AARS2: variants seen among roughly 807,000 people sequenced by gnomAD.
AARS2 encodes alanine--tRNA ligase, mitochondrial.
AARS2 carries 78 observed loss-of-function variants against 119.7 expected under a neutral mutation model. The observed-to-expected ratio is 0.65, with a 90% CI of 0.54 to 0.79. The LOEUF (loss-of-function observed/expected upper bound fraction) is 0.79, where lower values mean the gene tolerates loss of function less well. Ranked by LOEUF, AARS2 falls within the 30% of genes least tolerant of loss-of-function variation. AARS2 has a pLI of 0.00. For synonymous variants in AARS2, 502 were observed against 526.3 expected, an observed-to-expected ratio of 0.95 and a Z score of 0.63; for missense variants, 1,157 against 1,291.3, an observed-to-expected ratio of 0.90 and a Z score of 1.59.
chr6:44,302,477 T>A lies in AARS2; in HGVS notation c.2401A>T (p.Lys801Ter). The stretch of plus-strand genomic sequence containing the variant: ...AGACTCAGCCGCTCAGTGGCCGCTT[T>A]CACTTCCTGGGCCAGGCTCTGGCCT... ...ELGQSLAQEVKAATERLSLGS... is the reference protein window; with the variant it reads ...ELGQSLAQEV Residue 801 changes from lysine to a stop codon, truncating the protein, a stop_gained, in exon 18 of 22, where the codon AAA becomes TAA. Coordinates refer to ENST00000244571, the MANE Select transcript of AARS2 (RefSeq NM_020745.4). LOFTEE classifies it high-confidence loss of function. 6.2e-7 allele frequency: 1 copy of A among 1,614,098 alleles called. No homozygotes were observed. The highest frequency in any genetic ancestry group is 8.5e-7 in the Non-Finnish European group (1 of 1,180,018).
Position 44,299,265 on chromosome 6 carries a change from T to C in AARS2, c.*1282A>G, listed in dbSNP as rs2153353006. ...ACCATCTGACACTTTCTCCCTTCTT[T>C]TTTTTAAGACAGGGTCTCACTCTGT... On this transcript the variant is annotated 3_prime_UTR_variant, in exon 22 of 22. Transcript: ENST00000244571. Among the ~76,000 whole-genome samples the C allele has an allele frequency of 6.6e-6, 1 of 152,122 alleles. No individual in the cohort carries two copies. The highest frequency in any genetic ancestry group is 6.5e-5 in the Admixed American group (1 of 15,274).
chr6:44,312,628 G>T (rs555976034), intron 1 of AARS2, among the ~76,000 whole-genome samples: 1 of 152,316 alleles, frequency 6.6e-6, no homozygotes, highest in East Asian at 1.9e-4. Context: ...GACTCATTTA[G>T]TAGGGAGCCC....
intron 5 of AARS2, 53 bp downstream of exon 5, chr6:44,310,246 T>C (rs779463506): frequency 7.1e-6 from 11 of 1,548,174 alleles, no homozygotes; most frequent in Non-Finnish European, 8.8e-6. Flanking sequence ...GCAATGGGGC[T>C]GAGGGCTGTG....
chr6:44,311,079 T>C lies in AARS2; in HGVS notation c.664A>G (p.Thr222Ala). 6.2e-7 allele frequency: 1 copy of C among 1,614,066 alleles called. No individual in the cohort carries two copies. ...CCAGCAAGGTCGTAGTGGATCTCAG[T>C]ACAGGGCCCACAAGGGCCAGTATCC... Reference protein sequence around the residue: ...MGDTGPCGPCTEIHYDLAGGV... With the variant: ...MGDTGPCGPCAEIHYDLAGGV... The change falls in exon 4 of 22, where the codon ACT becomes GCT. Residue 222 changes from threonine (T) to alanine (A), a missense_variant. Thr to Ala is a moderately conservative substitution (Grantham distance 58, BLOSUM62 0). Transcript: ENST00000244571.
intron 2 of AARS2, 71 bp from the exon 3 acceptor site, chr6:44,311,606 C>T: frequency 1.9e-6 from 3 of 1,570,058 alleles, no homozygotes; most frequent in Non-Finnish European, 2.6e-6. Flanking sequence ...AGTAATCAAG[C>T]CACATGAGTT....
Position 44,307,303 on chromosome 6 carries a change from C to T in AARS2, c.986G>A (p.Arg329His), listed in dbSNP as rs1179887323. 3.7e-6 allele frequency: 6 copies of T among 1,613,830 alleles called. No individual in the cohort carries two copies. The highest frequency in any genetic ancestry group is 1.1e-5 in the South Asian group (1 of 91,040). ...ATCAGAGATGCAGACACTGAGTGTG[C>T]GGATGTGGTCAGCCACCACGCGGTA... ...TAYRVVADHI[R>H]TLSVCISDGI... is the part of the protein sequence containing the mutation. Residue 329 changes from arginine (R) to histidine (H), a missense_variant, in exon 6 of 22, where the codon CGC (arginine) becomes CAC (histidine). By Grantham distance (29) the Arg-to-His change is conservative (BLOSUM62 0). Transcript: ENST00000244571. The surrounding 1 kb of genome is among the most constrained non-coding windows in gnomAD (Gnocchi z 4.4).
Position 44,304,788 on chromosome 6 carries a change from G to C in AARS2, c.1609C>G (p.Gln537Glu). The change falls in exon 12 of 22, where the codon CAA (glutamine) becomes GAA (glutamate). Residue 537 changes from glutamine to glutamate, a missense_variant. Gln to Glu is a conservative substitution (Grantham distance 29, BLOSUM62 2). Coordinates refer to ENST00000244571, the MANE Select transcript of AARS2 (RefSeq NM_020745.4). ...EFGTCEAQVL[Q>E]LYTEDGTAVA... ...GCTGTCCCGTCCTCTGTATACAGTT[G>C]CAACACCTGGGCCTCACAGGTGCCG... 6.2e-7 allele frequency: 1 copy of C among 1,614,188 alleles called. No individual in the cohort carries two copies.
At position 44,299,075 on chromosome 6, in the gene AARS2, G is replaced by A. The variant is rs527555633; in HGVS notation, c.*1472C>T. On this transcript the variant is annotated 3_prime_UTR_variant, in exon 22 of 22. Transcript: ENST00000244571. ...TGCTCAGTGGCACTGGCCACCTCAC[G>A]GCCTCTGCATTGGCTGTTCCCTCAG... Among the ~76,000 whole-genome samples, 15 of 152,122 alleles carry A rather than the reference G, an allele frequency of 9.9e-5. No individual in the cohort carries two copies. The highest frequency in any genetic ancestry group is 3.4e-4 in the African/African-American group (14 of 41,484).
chr6:44,302,233 C>G, intron 18 of AARS2, 63 bp from the exon 19 acceptor site: 1 of 1,609,312 alleles, frequency 6.2e-7, no homozygotes, highest in South Asian at 1.1e-5. Context: ...GAGGTAGGGA[C>G]CAGCAGGGCC....
chr6:44,304,365 G>T, intron 13 of AARS2, 44 bp from the exon 14 acceptor site: 1 of 1,614,200 alleles, frequency 6.2e-7, no homozygotes, highest in Non-Finnish European at 8.5e-7. Context: ...AGGGCAGGGG[G>T]TTGGGAGAGT....
chr6:44,300,898 C>A, intron 21 of AARS2, 187 bp from the exon 22 acceptor site: 2 of 777,000 alleles, frequency 2.6e-6, no homozygotes, highest in South Asian at 1.6e-5. Context: ...GGTGTATGAA[C>A]GTGAACATCT....
At chr6:44,312,293 A>G (rs1230469101) in intron 1 of AARS2, 30 bp from the exon 2 acceptor site, 12 of 1,604,684 alleles carry the variant, frequency 7.5e-6, no homozygotes, top group Non-Finnish European at 1.0e-5. Context: ...GGAGGGGGAG[A>G]GGGATATCCA....
Position 44,310,296 on chromosome 6 carries a change from C to A in AARS2, c.894+3G>T. 1 of 1,592,024 alleles carries A rather than the reference C, an allele frequency of 6.3e-7. No individual in the cohort carries two copies. On this transcript the variant is annotated splice_donor_region_variant and intron_variant, in intron 5 of 21. Coordinates refer to ENST00000244571, the MANE Select transcript of AARS2 (RefSeq NM_020745.4). Reference sequence around the variant, plus strand: ...GGGCTTCTGGAAGGGAAGAGGCACTCACCTGCTGTATGGCGTTGAGCAGCG... The same window carrying A: ...GGGCTTCTGGAAGGGAAGAGGCACTAACCTGCTGTATGGCGTTGAGCAGCG...
At position 44,304,591 on chromosome 6, in the gene AARS2, C is replaced by G. The variant is rs111774044; in HGVS notation, c.1752+54G>C. The G allele has an allele frequency of 2.5e-5, 41 of 1,614,052 alleles. No homozygotes were observed. The African/African-American group carries it at 4.8e-4, about 19-fold the overall frequency. ...CCTTTCCCTCCCCTTGGCTCCCACT[C>G]AGGCTTGGGTCTGCCGCCCACAGAA... On this transcript the variant is annotated intron_variant, in intron 12 of 21. Transcript: ENST00000244571.
At chr6:44,312,285 A>C in intron 1 of AARS2, 22 bp from the exon 2 acceptor site, 1 of 1,609,514 alleles carries the variant, frequency 6.2e-7, no homozygotes, top group Non-Finnish European at 8.5e-7. Context: ...TAGAGTGGGG[A>C]GGGGGAGAGG....
At chr6:44,300,833 T>C in intron 21 of AARS2, 122 bp from the exon 22 acceptor site, 1 of 1,290,144 alleles carries the variant, frequency 7.8e-7, no homozygotes, top group African/African-American at 1.5e-5. Context: ...GGGCACATGG[T>C]GGGGCAGTCA....
In AARS2 at chr6:44,304,745, T is replaced by C. The variant is rs1785685907; in HGVS notation, c.1652A>G (p.Lys551Arg). ...CAAGAGGAGGCCACAGCGCTGGCCT[T>C]TCCCCACGGAGGCCACTGCTGTCCC... is the stretch of plus-strand genomic sequence containing the variant. ...EDGTAVASVG[K>R]GQRCGLLLDR... Residue 551 changes from lysine (K) to arginine (R), a missense_variant, in exon 12 of 22, where the codon AAA becomes AGA. Lys to Arg is a conservative substitution (Grantham distance 26). Coordinates refer to ENST00000244571, the MANE Select transcript of AARS2 (RefSeq NM_020745.4). 1 of 1,614,220 alleles carries C rather than the reference T, an allele frequency of 6.2e-7. No individual in the cohort carries two copies.
chr6:44,302,133 C>T lies in AARS2; in HGVS notation c.2525G>A (p.Arg842Gln), dbSNP rs199677657. ...ETAVMPQWQRRELLATVKMLQ... is the reference protein window; with the variant it reads ...ETAVMPQWQRQELLATVKMLQ... ...CATCTTCACTGTGGCCAGCAGCTCC[C>T]GCCGCTGCCACTGGGGCATCACAGC... is the stretch of plus-strand genomic sequence containing the variant. The change falls in exon 19 of 22, where the codon CGG becomes CAG. Residue 842 changes from arginine (R) to glutamine (Q), a missense_variant. Physicochemically the swap from Arg to Gln is conservative, Grantham distance 43 (BLOSUM62 1). Transcript: ENST00000244571. 2.9e-5 allele frequency: 47 copies of T among 1,613,734 alleles called. No individual in the cohort carries two copies. Among genetic ancestry groups the T allele is most frequent in the East Asian group, 4.5e-5 (2 of 44,892 alleles).
chr6:44,306,343 C>T lies in AARS2; in HGVS notation c.1237G>A (p.Glu413Lys), dbSNP rs1785844664. ...CGATCAATGATCCGCCTACCCCGCT[C>T]CAGGGAGGCCAGGAAGGCTGCCTCG... is the stretch of plus-strand genomic sequence containing the variant. ...EDEAAFLASL[E>K]RGRRIIDRTL... is the part of the protein sequence containing the mutation. The change falls in exon 9 of 22, where the codon GAG (glutamate) becomes AAG (lysine). Residue 413 changes from glutamate (E) to lysine (K), a missense_variant. By Grantham distance (56) the Glu-to-Lys change is moderately conservative. Transcript: ENST00000244571. 2 of 1,614,176 alleles carry T rather than the reference C, an allele frequency of 1.2e-6. No homozygotes were observed. The highest frequency in any genetic ancestry group is 1.7e-6 in the Non-Finnish European group (2 of 1,180,030).
Sources: allele counts gnomAD v4.1 joint callset (sites outside exome capture counted in the v4.1 genomes callset), GRCh38; gene constraint gnomAD v4.1.1; non-coding constraint Gnocchi (gnomAD v3.1); transcripts MANE v1.5; gene names NCBI Gene and HGNC (gene_info 2026-07-23, HGNC 2026-07-21).